Variants in SOS2 observed in about 807,000 individuals in gnomAD.
The protein encoded by SOS2 is SOS Ras/Rho guanine nucleotide exchange factor 2, also known as son of sevenless homolog 2.
A neutral mutation model predicts 148.2 loss-of-function variants in SOS2; 65 were observed. That is an observed-to-expected ratio of 0.44 (90% CI 0.36 to 0.54). The LOEUF (loss-of-function observed/expected upper bound fraction) is 0.54. SOS2 is among the 20% of genes least tolerant of loss of function. The pLI is 0.00. For missense variants in SOS2, 1,341 were observed against 1,590.2 expected, an observed-to-expected ratio of 0.84 and a Z score of 2.67; for synonymous variants, 539 against 537.1, an observed-to-expected ratio of 1.00 and a Z score of -0.05.
intron 1 of SOS2, among the ~76,000 whole-genome samples, chr14:50,222,264 A>C (rs964772972): frequency 6.6e-6 from 1 of 152,234 alleles, no homozygotes; most frequent in African/African-American, 2.4e-5. Flanking sequence ...CAGCATAAAA[A>C]TGTGCAAGTT....
At chr14:50,206,734 G>T (rs1179833727) in intron 1 of SOS2, among the ~76,000 whole-genome samples, 2 of 151,114 alleles carry the variant, frequency 1.3e-5, no homozygotes, top group Non-Finnish European at 2.9e-5. Context: ...TTAAACATGA[G>T]ATTTTTTAAA....
chr14:50,138,316 C>G (rs148973408), intron 18 of SOS2, among the ~76,000 whole-genome samples: 1 of 151,860 alleles, frequency 6.6e-6, no homozygotes. Context: ...AGCACCATGC[C>G]CAGCTAATTT....
At chr14:50,213,815 A>G (rs1292249394) in intron 1 of SOS2, among the ~76,000 whole-genome samples, 5 of 151,002 alleles carry the variant, frequency 3.3e-5, no homozygotes, top group Admixed American at 2.6e-4. Context: ...AGGGGAATGT[A>G]TGTGCATATT....
At chr14:50,206,123 T>C (rs1886652163) in intron 1 of SOS2, among the ~76,000 whole-genome samples, 1 of 152,224 alleles carries the variant, frequency 6.6e-6, no homozygotes. Context: ...GTTTGTTTTA[T>C]ATTTCATTTA....
rs78454585 is a variant in SOS2 at position 50,140,791 on chromosome 14, C to T, written c.2668-732G>A. Among the ~76,000 whole-genome samples, 1,470 of 152,190 alleles carry T rather than the reference C, an allele frequency of 9.7e-3. 28 individuals carry two copies. The highest frequency in any genetic ancestry group is 0.033 in the African/African-American group (1,389 of 41,516). Reference sequence around the variant, plus strand: ...GAGGATATGACTGCCCATGAGGAAACTCCAATAAATCTACATATAGAATGT... The same window carrying T: ...GAGGATATGACTGCCCATGAGGAAATTCCAATAAATCTACATATAGAATGT... On this transcript the variant is annotated intron_variant, in intron 16 of 22. Coordinates refer to ENST00000216373, the MANE Select transcript of SOS2 (RefSeq NM_006939.4).
At chr14:50,138,327 T>G (rs1321284447) in intron 18 of SOS2, among the ~76,000 whole-genome samples, 1 of 151,872 alleles carries the variant, frequency 6.6e-6, no homozygotes, top group African/African-American at 2.4e-5. Flanking sequence ...CAGCTAATTT[T>G]TTTTTATATT....
At chr14:50,144,112 TA>T (rs1252468152) in intron 16 of SOS2, among the ~76,000 whole-genome samples, 1 of 152,050 alleles carries the variant, frequency 6.6e-6, no homozygotes, top group Non-Finnish European at 1.5e-5. Context: ...ATCAAGCTCT[TA>T]AAAAGACTTC....
chr14:50,143,373 C>G (rs1287038590), intron 16 of SOS2, among the ~76,000 whole-genome samples: 1 of 151,308 alleles, frequency 6.6e-6, no homozygotes, highest in Non-Finnish European at 1.5e-5. Flanking sequence ...CACCCTCCCC[C>G]AAAAATGAGA....
At chr14:50,184,599 A>G (rs1885847654) in intron 5 of SOS2, among the ~76,000 whole-genome samples, 1 of 152,046 alleles carries the variant, frequency 6.6e-6, no homozygotes, top group South Asian at 2.1e-4. Flanking sequence ...GACTCATGAG[A>G]AAAAGAAAAA....
chr14:50,200,684 TAA>T (rs555057450), intron 3 of SOS2, among the ~76,000 whole-genome samples: 1 of 141,844 alleles, frequency 7.1e-6, no homozygotes, highest in Non-Finnish European at 1.5e-5. Flanking sequence ...TGTCTCTACT[TAA>T]AAAAAAAAAA....
intron 4 of SOS2, 57 bp from the exon 5 acceptor site, chr14:50,188,757 G>A: frequency 8.4e-7 from 1 of 1,187,668 alleles, no homozygotes; most frequent in Admixed American, 2.4e-5. Context: ...TATAAAAACT[G>A]CCTCAAAGTA....
At position 50,118,809 on chromosome 14, in the gene SOS2, T is replaced by C. The variant is rs776331500; in HGVS notation, c.3534A>G (p.Arg1178=). Residue 1178 remains arginine (R), a synonymous_variant, in exon 23 of 23, where the codon AGA becomes AGG. Transcript: ENST00000216373. Reference sequence around the variant, plus strand: ...GTTTTACCTTTGGAGGAGGAGGCTGTCTCGGTGGAATAGCAGGAGGATCAT... The same window carrying C: ...GTTTTACCTTTGGAGGAGGAGGCTGCCTCGGTGGAATAGCAGGAGGATCAT... ...SDDDPPAIPP[R]QPPPPKVKPR... The C allele has an allele frequency of 6.5e-7, 1 of 1,536,606 alleles. No individual in the cohort carries two copies. The highest frequency in any genetic ancestry group is 1.2e-5 in the South Asian group (1 of 82,560).
chr14:50,190,288 A>G (rs1419317268), intron 4 of SOS2, among the ~76,000 whole-genome samples: 1 of 152,238 alleles, frequency 6.6e-6, no homozygotes, highest in African/African-American at 2.4e-5. Context: ...GGAAACTACA[A>G]AAAGTAAAAA....
chr14:50,204,183 T>A (rs1182917833), intron 2 of SOS2, 101 bp downstream of exon 2: 1 of 659,558 alleles, frequency 1.5e-6, no homozygotes, highest in Admixed American at 3.0e-5. Flanking sequence ...ATACATAATT[T>A]CAGTGGTTTT....
chr14:50,231,827 C>A (rs2139895265), upstream of SOS2, among the ~76,000 whole-genome samples: 1 of 152,302 alleles, frequency 6.6e-6, no homozygotes, highest in Non-Finnish European at 1.5e-5. Flanking sequence ...GCGAGCCTCG[C>A]TATGGCGCGC....
At chr14:50,206,063 T>G (rs1886650676) in intron 1 of SOS2, among the ~76,000 whole-genome samples, 1 of 152,164 alleles carries the variant, frequency 6.6e-6, no homozygotes, top group Non-Finnish European at 1.5e-5. Flanking sequence ...TTTATCAATG[T>G]TATTAATCTT....
At chr14:50,171,456 T>C (rs1280226753) in intron 8 of SOS2, among the ~76,000 whole-genome samples, 4 of 151,888 alleles carry the variant, frequency 2.6e-5, no homozygotes, top group Non-Finnish European at 5.9e-5. Flanking sequence ...GAGGCCAAGA[T>C]GGACAGATCA....
intron 13 of SOS2, among the ~76,000 whole-genome samples, chr14:50,152,538 G>T (rs957078482): frequency 1.3e-5 from 2 of 152,146 alleles, no homozygotes; most frequent in Admixed American, 6.5e-5. Flanking sequence ...TTCTTTAAAA[G>T]AAATATTCTC....
At chr14:50,163,203 A>T (rs1885068052) in intron 8 of SOS2, among the ~76,000 whole-genome samples, 1 of 150,668 alleles carries the variant, frequency 6.6e-6, no homozygotes, top group East Asian at 1.9e-4. Flanking sequence ...TGTATTTATA[A>T]ATATATATTT....
Sources: allele counts gnomAD v4.1 joint callset (sites outside exome capture counted in the v4.1 genomes callset), GRCh38; gene constraint gnomAD v4.1.1; transcripts MANE v1.5; gene names NCBI Gene and HGNC (gene_info 2026-07-23, HGNC 2026-07-21).